Variants in THOC1 observed in about 807,000 individuals in gnomAD.
The protein encoded by THOC1 is THO complex subunit 1.
Under a neutral mutation model 97.3 loss-of-function variants are expected in THOC1, and 29 were observed. The ratio of observed to expected loss-of-function variants is 0.30; its 90% CI spans 0.22 to 0.41. The LOEUF (loss-of-function observed/expected upper bound fraction) is 0.41, where lower values mean the gene tolerates loss of function less well. Among genes scored for constraint, THOC1 ranks in the 10% least tolerant of loss-of-function variants. THOC1 has a pLI of 1.00. For missense variants in THOC1, 529 were observed against 761.9 expected (o/e 0.69, Z 3.60); for synonymous variants, 255 against 257.0 (o/e 0.99, Z 0.07).
At chr18:223,214 T>G (rs573579518) in intron 17 of THOC1, among the ~76,000 whole-genome samples, 1 of 152,288 alleles carries the variant, frequency 6.6e-6, no homozygotes, top group Admixed American at 6.5e-5. Context: ...CTCTTCTGTT[T>G]GTAGTTTTGA....
intron 11 of THOC1, among the ~76,000 whole-genome samples, chr18:234,002 T>C (rs1713559999): frequency 6.6e-6 from 1 of 152,244 alleles, no homozygotes; most frequent in Non-Finnish European, 1.5e-5. Flanking sequence ...TATCTATAAA[T>C]GTAGAAACAC....
chr18:218,423 C>T (rs1947492023), intron 18 of THOC1, among the ~76,000 whole-genome samples: 1 of 152,030 alleles, frequency 6.6e-6, no homozygotes, highest in Non-Finnish European at 1.5e-5. Flanking sequence ...GATGTTACTC[C>T]AAAATTTGAG....
intron 3 of THOC1, 37 bp from the exon 4 acceptor site, chr18:264,129 A>G: frequency 1.4e-6 from 2 of 1,477,768 alleles, no homozygotes; most frequent in Non-Finnish European, 1.9e-6. Flanking sequence ...TTTAGGGGCA[A>G]GAGTTCAGAC....
In THOC1 at chr18:264,039, C is replaced by A. The variant is rs376944925; in HGVS notation, c.243G>T (p.Gly81=). The change falls in exon 4 of 21, where the codon GGG becomes GGT. Residue 81 remains glycine (G), a synonymous_variant. Coordinates refer to ENST00000261600, the MANE Select transcript of THOC1 (RefSeq NM_005131.3). The stretch of plus-strand genomic sequence containing the variant: ...AACCATACTTACCTTCAGTTACTCC[C>A]CCAATAGCAAGAGAAATAATAGCTA... ...NVLAIISLAI[G]GVTEGICTAS... is the part of the protein sequence containing the mutation. 482 of 1,611,296 alleles carry A rather than the reference C, an allele frequency of 3.0e-4. 1 individual carries two copies. The highest frequency in any genetic ancestry group is 3.7e-4 in the Non-Finnish European group (432 of 1,178,226).
At position 252,585 on chromosome 18, in the gene THOC1, C is replaced by G. The variant is rs1374308514; in HGVS notation, c.631G>C (p.Asp211His). Reference sequence around the variant, plus strand: ...TCTCCCATTTCGCCTTCTTCTACATCCATTCCTTCTTCTCTATCTTCAGTG... The same window carrying G: ...TCTCCCATTTCGCCTTCTTCTACATGCATTCCTTCTTCTCTATCTTCAGTG... ...KHTEDREEGM[D>H]VEEGEMGDEE... The change falls in exon 9 of 21, where the codon GAT (aspartate) becomes CAT (histidine). Residue 211 changes from aspartate (D) to histidine (H), a missense_variant. Physicochemically the swap from Asp to His is moderately conservative, Grantham distance 81 (BLOSUM62 -1). This residue lies in a region of THOC1 where 92 missense variants were observed against 127.0 expected (regional missense o/e 0.72). Transcript: ENST00000261600. 1 of 1,608,122 alleles carries G rather than the reference C, an allele frequency of 6.2e-7. No homozygotes were observed. Among genetic ancestry groups the G allele is most frequent in the Non-Finnish European group, 8.5e-7 (1 of 1,178,202 alleles).
intron 11 of THOC1, among the ~76,000 whole-genome samples, chr18:244,042 T>G (rs1912002860): frequency 6.6e-6 from 1 of 152,164 alleles, no homozygotes; most frequent in East Asian, 1.9e-4. Flanking sequence ...GTTGGTTTTC[T>G]TTTGGTGGTT....
At chr18:246,081 A>G (rs944906923) in intron 11 of THOC1, 2 of 299,542 alleles carry the variant, frequency 6.7e-6, no homozygotes, top group African/African-American at 4.4e-5. Flanking sequence ...ATTAAACTGC[A>G]TTTATTCCAA....
Position 254,429 on chromosome 18 carries a change from T to A in THOC1, c.521-74A>T. The A allele has an allele frequency of 1.1e-6, 1 of 904,904 alleles. No individual in the cohort carries two copies. Among genetic ancestry groups the A allele is most frequent in the Non-Finnish European group, 1.7e-6 (1 of 577,500 alleles). The allele number at this position is 904,904 out of a possible 1,614,324, so 56.1% of individuals were successfully genotyped here. ...AACTTATGTATAACTTGTGTCATAA[T>A]CAAAACTACAAAATGCCAAATCCAT... On this transcript the variant is annotated intron_variant, in intron 7 of 20. Coordinates refer to ENST00000261600, the MANE Select transcript of THOC1 (RefSeq NM_005131.3). This position sits in a 1 kb window ranked among gnomAD's most constrained non-coding sequence, Gnocchi z 4.1.
chr18:217,782 G>A (rs147031236), intron 18 of THOC1, among the ~76,000 whole-genome samples: 1 of 152,236 alleles, frequency 6.6e-6, no homozygotes, highest in East Asian at 1.9e-4. Context: ...TTAAGCCACG[G>A]CAACCTTGGG....
At chr18:252,490 T>C (rs540618016) in intron 9 of THOC1, 49 bp downstream of exon 9, 2 of 1,380,304 alleles carry the variant, frequency 1.4e-6, no homozygotes, top group African/African-American at 2.8e-5. Context: ...ACTCAATAAA[T>C]TAGGAGATTA....
chr18:240,989 G>C (rs768982120), intron 11 of THOC1, among the ~76,000 whole-genome samples: 23 of 152,190 alleles, frequency 1.5e-4, no homozygotes, highest in Non-Finnish European at 2.6e-4. Context: ...GTTCCTATGA[G>C]AATCTAATGC....
intron 4 of THOC1, among the ~76,000 whole-genome samples, chr18:262,701 T>G (rs1276129388): frequency 6.6e-6 from 1 of 152,244 alleles, no homozygotes; most frequent in East Asian, 1.9e-4. Flanking sequence ...TGTATAAACA[T>G]TTAACAAAGT....
intron 11 of THOC1, among the ~76,000 whole-genome samples, chr18:230,710 TTACAC>T (rs1953849662): frequency 6.6e-6 from 1 of 152,154 alleles, no homozygotes; most frequent in African/African-American, 2.4e-5. Context: ...ATTATATCAT[TTACAC>T]TATGTCATGG....
At chr18:219,563 C>G (rs1201053229) in intron 17 of THOC1, among the ~76,000 whole-genome samples, 1 of 152,062 alleles carries the variant, frequency 6.6e-6, no homozygotes, top group Non-Finnish European at 1.5e-5. Flanking sequence ...GTTTTGATTA[C>G]GTGGGAACTC....
rs1452736563 is a variant in THOC1 at position 224,109 on chromosome 18, G to T, written c.1279C>A (p.Pro427Thr). ...TTTCCCATCAGAATTTTTTTGGTGG[G>T]TCCTTTCCCTAGGAAGTCCTCGGGT... ...TAPEDFLGKG[P>T]TKKILMGNEE... Residue 427 changes from proline (P) to threonine (T), a missense_variant, in exon 16 of 21, where the codon CCC (proline) becomes ACC (threonine). Pro to Thr is a conservative substitution (Grantham distance 38). Transcript: ENST00000261600. 1 of 1,609,872 alleles carries T rather than the reference G, an allele frequency of 6.2e-7. No individual in the cohort carries two copies. The highest frequency in any genetic ancestry group is 1.7e-5 in the Admixed American group (1 of 59,574).
rs73364370 is a variant in THOC1 at position 231,035 on chromosome 18, G to A, written c.919-4134C>T. On this transcript the variant is annotated intron_variant, in intron 11 of 20. Transcript: ENST00000261600. ...ACAAAGTGCTGGGATTACAGGTGTA[G>A]GCCATCATGCCTGGCCCAAATGTTT... Among the ~76,000 whole-genome samples the A allele has an allele frequency of 4.7e-3, 710 of 152,294 alleles. 2 individuals are homozygous for A. The highest frequency in any genetic ancestry group is 0.016 in the African/African-American group (681 of 41,564).
rs1912384501 is a variant in THOC1, at chr18:254,720, T to G, written c.521-365A>C. Among the ~76,000 whole-genome samples the G allele has an allele frequency of 6.6e-6, 1 of 152,240 alleles. No individual in the cohort carries two copies. Among genetic ancestry groups the G allele is most frequent in the African/African-American group, 2.4e-5 (1 of 41,470 alleles). ...TATTATTATATCTGTTATGATGATC[T>G]GTGATCAGTGATCTTTGAGGTTAAC... On this transcript the variant is annotated intron_variant, in intron 7 of 20. Coordinates refer to ENST00000261600, the MANE Select transcript of THOC1 (RefSeq NM_005131.3). The surrounding 1 kb of genome is among the most constrained non-coding windows in gnomAD (Gnocchi z 4.1).
chr18:215,109 G>A (rs1910826444), intron 20 of THOC1, among the ~76,000 whole-genome samples, 188 bp from the exon 21 acceptor site: 1 of 152,122 alleles, frequency 6.6e-6, no homozygotes, highest in African/African-American at 2.4e-5. Context: ...CAAAGCTAAA[G>A]CTGTTACCTA....
chr18:260,138 G>A (rs1048313660), intron 5 of THOC1, 48 bp downstream of exon 5: 6 of 1,212,234 alleles, frequency 4.9e-6, no homozygotes, highest in Admixed American at 3.5e-5. Context: ...CAGAATTCTG[G>A]ATCTATAGAA....
Sources: gnomAD v4.1 joint callset for allele counts (sites outside exome capture counted in the v4.1 genomes callset) on GRCh38, gnomAD v4.1.1 for gene constraint, gnomAD v4.1.1 regional missense constraint, Gnocchi (gnomAD v3.1) non-coding constraint, MANE v1.5 for transcripts, NCBI Gene and HGNC (gene_info 2026-07-23, HGNC 2026-07-21) for gene names.